The following MGRN1 variants were observed in gnomAD, a reference collection of about 807,000 sequenced individuals.
MGRN1 encodes the protein mahogunin ring finger 1.
A neutral mutation model predicts 69.2 loss-of-function variants in MGRN1; 29 were observed. The observed-to-expected ratio is 0.42, with a 90% CI of 0.31 to 0.57. The LOEUF is 0.57. Among genes scored for constraint, MGRN1 ranks in the 20% least tolerant of loss-of-function variants. The pLI is 0.15. For missense variants in MGRN1, 998 were observed against 796.2 expected (o/e 1.25, Z -3.05); for synonymous variants, 470 against 344.2 (o/e 1.37, Z -4.04).
At chr16:4,664,906 G>T in intron 6 of MGRN1, 131 bp downstream of exon 6, 2 of 1,325,262 alleles carry the variant, frequency 1.5e-6, no homozygotes, top group Non-Finnish European at 2.1e-6. Flanking sequence ...ACAGGGCAGG[G>T]TGTGAGCAGC....
At chr16:4,676,677 C>A (rs1308660853) in intron 10 of MGRN1, among the ~76,000 whole-genome samples, 1 of 152,092 alleles carries the variant, frequency 6.6e-6, no homozygotes, top group Non-Finnish European at 1.5e-5. Context: ...TTTGGTGGTT[C>A]GGTTTCCTGG....
In MGRN1 at chr16:4,650,357, T is replaced by C. The variant is rs376676534; in HGVS notation, c.89-8T>C. 2,712 of 1,590,316 alleles carry C rather than the reference T, an allele frequency of 1.7e-3. 3 individuals are homozygous for C. The highest frequency in any genetic ancestry group is 2.2e-3 in the Non-Finnish European group (2,598 of 1,171,498). On this transcript the variant is annotated splice_region_variant and splice_polypyrimidine_tract_variant and intron_variant, in intron 1 of 16. Coordinates refer to ENST00000262370, the MANE Select transcript of MGRN1 (RefSeq NM_015246.4). The stretch of plus-strand genomic sequence containing the variant: ...AAAATCTATAATCGTGTTTCCTTTT[T>C]TAAACAGGAAACTACTTTGCTTCGC...
intron 10 of MGRN1, among the ~76,000 whole-genome samples, chr16:4,674,834 G>A (rs1256845850): frequency 6.7e-6 from 1 of 149,084 alleles, no homozygotes; most frequent in Non-Finnish European, 1.5e-5. Flanking sequence ...TAGAGACGGG[G>A]TTTCACCTTG....
At chr16:4,641,162 T>C (rs1172718213) in intron 1 of MGRN1, among the ~76,000 whole-genome samples, 2 of 152,098 alleles carry the variant, frequency 1.3e-5, no homozygotes, top group Non-Finnish European at 2.9e-5. Flanking sequence ...CACATACAAA[T>C]GTACACAGCT....
chr16:4,632,821 A>G (rs991302627), intron 1 of MGRN1, among the ~76,000 whole-genome samples: 5 of 152,174 alleles, frequency 3.3e-5, no homozygotes, highest in African/African-American at 1.2e-4. Flanking sequence ...GGTGGCTCAC[A>G]TTTGTAATCC....
chr16:4,673,412 G>T, intron 9 of MGRN1, 86 bp from the exon 10 acceptor site: 1 of 1,524,378 alleles, frequency 6.6e-7, no homozygotes, highest in Non-Finnish European at 8.9e-7. Context: ...GTAGGGTGGA[G>T]TGGGGTGGGA....
rs1218998914 is a variant in MGRN1, at chr16:4,657,369, G to C, written c.561+6G>C. 6.2e-7 allele frequency: 1 copy of C among 1,612,838 alleles called. No individual in the cohort carries two copies. The highest frequency in any genetic ancestry group is 8.5e-7 in the Non-Finnish European group (1 of 1,178,952). On this transcript the variant is annotated splice_donor_region_variant and intron_variant, in intron 5 of 16. Transcript: ENST00000262370. ...CGGAATGGAAGGATGACGAGGTAATGCTGGCTGGGCGGCTCCTTGCCCTTC... is the reference window on the plus strand; with the variant it reads ...CGGAATGGAAGGATGACGAGGTAATCCTGGCTGGGCGGCTCCTTGCCCTTC...
Position 4,665,018 on chromosome 16 carries a change from G to A in MGRN1, c.629-84G>A, listed in dbSNP as rs183010801. 4.8e-5 allele frequency: 73 copies of A among 1,507,876 alleles called. No individual in the cohort carries two copies. In the South Asian group the frequency reaches 5.2e-4, roughly 11 times the overall value. 93.4% of individuals were successfully genotyped at this position (1,507,876 alleles called of 1,614,324 possible). ...CTGTGCAGGCTGAGCCCTCGGTGCC[G>A]CAGGCCTACCAGGGTCGGGGAGGTG... On this transcript the variant is annotated intron_variant, in intron 6 of 16. Transcript: ENST00000262370.
chr16:4,628,311 G>C (rs949874957), intron 1 of MGRN1, among the ~76,000 whole-genome samples: 41 of 150,402 alleles, frequency 2.7e-4, no homozygotes, highest in African/African-American at 9.8e-4. Flanking sequence ...GCATGAACCC[G>C]GGAGGTGAAG....
chr16:4,684,154 G>A (rs1032001465), intron 16 of MGRN1, among the ~76,000 whole-genome samples: 17 of 152,376 alleles, frequency 1.1e-4, no homozygotes, highest in Middle Eastern at 3.4e-3. Flanking sequence ...TCTTGGGAGC[G>A]GAACCTGCAC....
At chr16:4,688,323 G>C (rs867210766) in intron 16 of MGRN1, 1 of 988,154 alleles carries the variant, frequency 1.0e-6, no homozygotes, top group South Asian at 4.7e-5. Context: ...TCCTCTCTTT[G>C]CCTTGCAGTA....
intron 4 of MGRN1, among the ~76,000 whole-genome samples, chr16:4,655,249 C>G (rs1180195552): frequency 3.3e-5 from 5 of 152,158 alleles, no homozygotes; most frequent in African/African-American, 1.2e-4. Flanking sequence ...CCCCAGTGCT[C>G]CAGCTGTCAG....
intron 16 of MGRN1, chr16:4,686,369 CTGCTCTCTGGCGGGGGTTCCTTCTGGT>C: frequency 1.3e-6 from 2 of 1,523,386 alleles, no homozygotes; most frequent in Non-Finnish European, 1.8e-6. Context: ...GAGCCCTCCC[CTGCTCTCTGGCGGGGGTTCCTTCTGGT>C]TTTTGGGTCT....
chr16:4,642,700 C>T (rs1048858736), intron 1 of MGRN1, among the ~76,000 whole-genome samples: 1 of 151,778 alleles, frequency 6.6e-6, no homozygotes, highest in Admixed American at 6.6e-5. Context: ...CGGCAGACCT[C>T]AAGTGATTTG....
chr16:4,669,979 C>T (rs553595932), intron 8 of MGRN1, among the ~76,000 whole-genome samples: 7 of 150,678 alleles, frequency 4.6e-5, no homozygotes, highest in African/African-American at 1.7e-4. Flanking sequence ...ACTGTTGGGG[C>T]GCATAAGACC....
At chr16:4,653,122 G>T (rs1192295291) in intron 4 of MGRN1, among the ~76,000 whole-genome samples, 1 of 152,180 alleles carries the variant, frequency 6.6e-6, no homozygotes, top group Admixed American at 6.5e-5. Context: ...CCACTCATAA[G>T]CCCCCGCTGT....
chr16:4,627,452 T>A (rs1897734082), intron 1 of MGRN1, among the ~76,000 whole-genome samples: 1 of 152,276 alleles, frequency 6.6e-6, no homozygotes, highest in Admixed American at 6.5e-5. Flanking sequence ...AACTCATCCA[T>A]TGTAAACATG....
Position 4,665,087 on chromosome 16 carries a change from CT to C in MGRN1, c.629-14del. The C allele has an allele frequency of 6.2e-6, 10 of 1,614,202 alleles. No homozygotes were observed. Among genetic ancestry groups the C allele is most frequent in the Non-Finnish European group, 8.5e-6 (10 of 1,180,032 alleles). On this transcript the variant is annotated splice_polypyrimidine_tract_variant and intron_variant, in intron 6 of 16. Transcript: ENST00000262370. ...GGCCCCGACTCTGACTACTCTGCCC[CT>C]CTCTCCCCAGCAGTGGTGGAAGTGA...
In MGRN1 at chr16:4,679,189, C is replaced by T. The variant is rs368296246; in HGVS notation, c.1066-843C>T. On this transcript the variant is annotated intron_variant, in intron 11 of 16. Coordinates refer to ENST00000262370, the MANE Select transcript of MGRN1 (RefSeq NM_015246.4). Reference sequence around the variant, plus strand: ...GAGAAGCAGCCCCTGAGGGATTTGCCTCTGAGAGGGTTTCACCTAGGGAGT... The same window carrying T: ...GAGAAGCAGCCCCTGAGGGATTTGCTTCTGAGAGGGTTTCACCTAGGGAGT... 9.3e-4 allele frequency among the ~76,000 whole-genome samples: 142 copies of T among 152,328 alleles called. 1 individual carries two copies. Among genetic ancestry groups the T allele is most frequent in the African/African-American group, 3.4e-3 (141 of 41,578 alleles).
Sources: gnomAD v4.1 joint callset for allele counts (sites outside exome capture counted in the v4.1 genomes callset) on GRCh38, gnomAD v4.1.1 for gene constraint, MANE v1.5 for transcripts, NCBI Gene and HGNC (gene_info 2026-07-23, HGNC 2026-07-21) for gene names.